The following RBMS3 variants were observed in gnomAD, a reference collection of about 807,000 sequenced individuals.
RBMS3 encodes the protein RNA binding motif single stranded interacting protein 3, also known as RNA-binding motif, single-stranded-interacting protein 3.
RBMS3 carries 27 observed loss-of-function variants against 66.8 expected under a neutral mutation model. The ratio of observed to expected loss-of-function variants is 0.40; its 90% CI spans 0.30 to 0.56. RBMS3 has a LOEUF of 0.56. Among genes scored for constraint, RBMS3 ranks in the 20% least tolerant of loss-of-function variants. The pLI is 0.40. For missense variants in RBMS3, 513 were observed against 549.5 expected (o/e 0.93, Z 0.66); for synonymous variants, 188 against 183.0 (o/e 1.03, Z -0.22).
chr3:29,422,258 G>A (rs2040772869), intron 1 of RBMS3, among the ~76,000 whole-genome samples: 1 of 152,076 alleles, frequency 6.6e-6, no homozygotes, highest in African/African-American at 2.4e-5. Flanking sequence ...TACCAATCAA[G>A]GGCAAATGCC....
At chr3:29,615,629 G>A (rs575150120) in intron 4 of RBMS3, among the ~76,000 whole-genome samples, 13 of 152,036 alleles carry the variant, frequency 8.6e-5, no homozygotes, top group East Asian at 3.9e-4. Context: ...TAATTACAGC[G>A]CTTTGGGGTG....
In RBMS3 at chr3:29,680,422, G is replaced by A. The variant is rs557072334; in HGVS notation, c.400-59298G>A. On this transcript the variant is annotated intron_variant, in intron 4 of 14. Coordinates refer to ENST00000383767, the MANE Select transcript of RBMS3 (RefSeq NM_001003793.3). ...GTTTTTCTCCTCTGAGTAGAGTTTT[G>A]TTGGCATTTCCTAACGCTTCTTTAT... 2.0e-5 allele frequency among the ~76,000 whole-genome samples: 3 copies of A among 152,250 alleles called. No homozygotes were observed. The South Asian group carries it at 6.2e-4, about 32-fold the overall frequency.
intron 4 of RBMS3, among the ~76,000 whole-genome samples, chr3:29,702,766 G>A (rs1442143243): frequency 6.6e-6 from 1 of 152,184 alleles, no homozygotes; most frequent in East Asian, 1.9e-4. Context: ...CCTGAAGCCA[G>A]CGAGACCACG....
chr3:29,345,936 T>C (rs753716253), intron 1 of RBMS3, among the ~76,000 whole-genome samples: 1 of 152,206 alleles, frequency 6.6e-6, no homozygotes, highest in Non-Finnish European at 1.5e-5. Flanking sequence ...AAAGTGAAGA[T>C]GTATGTTAAA....
chr3:29,573,385 G>A (rs1559479473), intron 3 of RBMS3, among the ~76,000 whole-genome samples: 1 of 152,076 alleles, frequency 6.6e-6, no homozygotes, highest in Non-Finnish European at 1.5e-5. Flanking sequence ...CCAAAGTTCT[G>A]GGATTGCAGG....
intron 4 of RBMS3, among the ~76,000 whole-genome samples, chr3:29,649,944 G>A (rs569697108): frequency 2.6e-5 from 4 of 152,112 alleles, no homozygotes; most frequent in Non-Finnish European, 4.4e-5. Flanking sequence ...TATAATCAAG[G>A]AGTGTCACAT....
At position 29,788,000 on chromosome 3, in the gene RBMS3, A is replaced by T. The variant is rs193153840; in HGVS notation, c.637+25011A>T. ...TTATTTAAAAATTCAAGAACTTCAC[A>T]GTGAAAAATACTTTCTCTTTCTTTC... On this transcript the variant is annotated intron_variant, in intron 6 of 14. Coordinates refer to ENST00000383767, the MANE Select transcript of RBMS3 (RefSeq NM_001003793.3). Among the ~76,000 whole-genome samples the T allele has an allele frequency of 5.6e-4, 86 of 152,310 alleles. 2 individuals are homozygous for T. Among genetic ancestry groups the T allele is most frequent in the Non-Finnish European group, 9.1e-4 (62 of 68,014 alleles).
intron 3 of RBMS3, among the ~76,000 whole-genome samples, chr3:29,521,770 G>A (rs1187003540): frequency 2.6e-5 from 4 of 152,146 alleles, no homozygotes; most frequent in Admixed American, 1.3e-4. Context: ...CTGAAGCAGC[G>A]AAGGCATCAC....
chr3:29,536,402 A>C (rs552495916), intron 3 of RBMS3, among the ~76,000 whole-genome samples: 23 of 152,132 alleles, frequency 1.5e-4, no homozygotes, highest in Non-Finnish European at 2.6e-4. Context: ...TACTTCCAAG[A>C]TTACTGAATG....
chr3:29,371,922 T>A (rs1189291688), intron 1 of RBMS3, among the ~76,000 whole-genome samples: 1 of 152,222 alleles, frequency 6.6e-6, no homozygotes, highest in Non-Finnish European at 1.5e-5. Flanking sequence ...CCTCTATTCA[T>A]TTATTTCTTC....
intron 4 of RBMS3, among the ~76,000 whole-genome samples, chr3:29,683,439 G>C (rs2051581753): frequency 6.6e-6 from 1 of 152,094 alleles, no homozygotes; most frequent in Non-Finnish European, 1.5e-5. Flanking sequence ...ATAGCAGTGG[G>C]GAATAAAGGG....
At chr3:29,594,041 A>T (rs1340332584) in intron 4 of RBMS3, among the ~76,000 whole-genome samples, 1 of 152,208 alleles carries the variant, frequency 6.6e-6, no homozygotes, top group Non-Finnish European at 1.5e-5. Context: ...ATCTAAAAGA[A>T]ATGAGAGGAG....
At chr3:29,605,751 A>C (rs2048301238) in intron 4 of RBMS3, among the ~76,000 whole-genome samples, 1 of 148,162 alleles carries the variant, frequency 6.7e-6, no homozygotes, top group South Asian at 2.3e-4. Context: ...ATTCTCCCTA[A>C]GTTGACTTTA....
At chr3:29,751,788 G>A (rs759135890) in intron 5 of RBMS3, among the ~76,000 whole-genome samples, 8 of 152,180 alleles carry the variant, frequency 5.3e-5, no homozygotes, top group Non-Finnish European at 8.8e-5. Context: ...CGGTTAGGCA[G>A]CCCGCAGCAC....
At chr3:29,761,010 GTTAGTT>G (rs2055661048) in intron 5 of RBMS3, among the ~76,000 whole-genome samples, 1 of 150,254 alleles carries the variant, frequency 6.7e-6, no homozygotes, top group Admixed American at 6.6e-5. Context: ...TTAATGTTAA[GTTAGTT>G]TCCTACACTC....
intron 12 of RBMS3, among the ~76,000 whole-genome samples, chr3:29,967,052 G>C (rs2149750204): frequency 6.6e-6 from 1 of 152,228 alleles, no homozygotes; most frequent in African/African-American, 2.4e-5. Flanking sequence ...ACTTGATCAT[G>C]GTGGATTATC....
At chr3:29,758,857 T>C (rs1485780854) in intron 5 of RBMS3, among the ~76,000 whole-genome samples, 1 of 152,218 alleles carries the variant, frequency 6.6e-6, no homozygotes, top group African/African-American at 2.4e-5. Context: ...TGAGGATGAC[T>C]GGCTTACAAC....
intron 2 of RBMS3, among the ~76,000 whole-genome samples, chr3:29,443,735 G>A (rs534906231): frequency 6.6e-6 from 1 of 152,284 alleles, no homozygotes; most frequent in Admixed American, 6.5e-5. Context: ...GTACAGGAAG[G>A]AGGTGGTGAT....
At chr3:29,368,727 A>G (rs1288861940) in intron 1 of RBMS3, among the ~76,000 whole-genome samples, 1 of 152,156 alleles carries the variant, frequency 6.6e-6, no homozygotes, top group Admixed American at 6.6e-5. Context: ...GTTGCTGGGA[A>G]TGTAGATTAG....
Sources: gnomAD v4.1 joint callset for allele counts (sites outside exome capture counted in the v4.1 genomes callset) on GRCh38, gnomAD v4.1.1 for gene constraint, MANE v1.5 for transcripts, NCBI Gene and HGNC (gene_info 2026-07-23, HGNC 2026-07-21) for gene names.